Variants in FGD4 observed in about 807,000 individuals in gnomAD.
The protein encoded by FGD4 is FYVE, RhoGEF and PH domain containing 4.
A neutral mutation model predicts 102.0 loss-of-function variants in FGD4; 42 were observed. The ratio of observed to expected loss-of-function variants is 0.41; its 90% CI spans 0.32 to 0.53. FGD4 has a LOEUF of 0.53. Among genes scored for constraint, FGD4 ranks in the 20% least tolerant of loss-of-function variants. The pLI is 0.21. For missense variants in FGD4, 902 were observed against 1,078.2 expected (o/e 0.84, Z 2.29); for synonymous variants, 380 against 375.7 (o/e 1.01, Z -0.13).
intron 1 of FGD4, among the ~76,000 whole-genome samples, chr12:32,450,342 G>C (rs139905791): frequency 6.6e-6 from 1 of 152,132 alleles, no homozygotes; most frequent in African/African-American, 2.4e-5. Context: ...AAAGTGCTGG[G>C]ATTACAGGTA....
At chr12:32,520,435 T>TTTTG (rs1940398762) in intron 1 of FGD4, among the ~76,000 whole-genome samples, 1 of 140,666 alleles carries the variant, frequency 7.1e-6, no homozygotes, top group Non-Finnish European at 1.6e-5. Context: ...GTTTTTTTGT[T>TTTTG]TTTTGTTTTT....
rs1023207495 is a variant in FGD4 at position 32,619,790 on chromosome 12, A to G, written c.1842A>G (p.Lys614=). The G allele has an allele frequency of 7.4e-6, 12 of 1,614,078 alleles. No homozygotes were observed. Among genetic ancestry groups the G allele is most frequent in the African/African-American group, 1.3e-5 (1 of 74,934 alleles). The change falls in exon 11 of 17, where the codon AAA becomes AAG. Residue 614 remains lysine, a synonymous_variant. Transcript: ENST00000534526. The part of the protein sequence containing the change: ...VRTRVGIDGM[K]IVETQNEEYP... ...CCAGGGTTGGCATTGATGGAATGAA[A>G]ATTGTAGAGACTCAAAATGAAGAAT...
At chr12:32,437,431 CG>C (rs1565739814) in intron 1 of FGD4, among the ~76,000 whole-genome samples, 3 of 152,186 alleles carry the variant, frequency 2.0e-5, no homozygotes, top group Non-Finnish European at 2.9e-5. Context: ...GCTCCCTATA[CG>C]ATGAGCGAGG....
intron 13 of FGD4, 80 bp from the exon 14 acceptor site, chr12:32,625,570 GTAGT>G: frequency 1.3e-6 from 2 of 1,486,114 alleles, no homozygotes; most frequent in Non-Finnish European, 1.8e-6. Context: ...TTTGAGCAAT[GTAGT>G]TAAAGTTCTT....
At position 32,500,954 on chromosome 12, in the gene FGD4, G is replaced by A. The variant is rs185835639; in HGVS notation, c.167-63183G>A. 1.4e-3 allele frequency among the ~76,000 whole-genome samples: 207 copies of A among 152,342 alleles called. 1 individual carries two copies. The Middle Eastern group carries it at 0.017, about 13-fold the overall frequency. On this transcript the variant is annotated intron_variant, in intron 1 of 16. Coordinates refer to ENST00000534526, the MANE Select transcript of FGD4 (RefSeq NM_001370298.3). The stretch of plus-strand genomic sequence containing the variant: ...ACAGTGGCACTGTCCCTGGTCTTGA[G>A]GTGCTCACAGTCTGAAGGAGAGATG...
intron 1 of FGD4, among the ~76,000 whole-genome samples, chr12:32,489,346 AT>A (rs1158089603): frequency 1.3e-5 from 2 of 152,224 alleles, no homozygotes; most frequent in Non-Finnish European, 2.9e-5. Context: ...TATGGAGTTC[AT>A]AAAGTAGCTG....
chr12:32,476,221 G>A (rs181791880), intron 1 of FGD4, among the ~76,000 whole-genome samples: 1 of 152,144 alleles, frequency 6.6e-6, no homozygotes, highest in African/African-American at 2.4e-5. Flanking sequence ...GACCCAAACC[G>A]TACATATTTT....
chr12:32,435,517 G>GTGTGTGTGTGTGTGTGTGT (rs71445900), intron 1 of FGD4, among the ~76,000 whole-genome samples: 1 of 151,936 alleles, frequency 6.6e-6, no homozygotes, highest in African/African-American at 2.4e-5. Flanking sequence ...GTGTGTGTGT[G>GTGTGTGTGTGTGTGTGTGT]TTTTAAATGA....
chr12:32,613,030 CAAAG>C (rs1276509188), intron 10 of FGD4, among the ~76,000 whole-genome samples: 1 of 152,070 alleles, frequency 6.6e-6, no homozygotes. Context: ...TATGCATTGA[CAAAG>C]AATAAGCTAA....
intron 1 of FGD4, among the ~76,000 whole-genome samples, chr12:32,513,291 T>A (rs1939572185): frequency 6.6e-6 from 1 of 152,212 alleles, no homozygotes. Context: ...TAATCATAGT[T>A]GTTTAGAATA....
intron 1 of FGD4, among the ~76,000 whole-genome samples, chr12:32,476,103 C>T (rs1483006973): frequency 3.9e-5 from 6 of 152,056 alleles, no homozygotes; most frequent in Admixed American, 6.6e-5. Flanking sequence ...CTGTATGAAA[C>T]GGGTCTGCTG....
At chr12:32,542,421 A>T (rs2136138204) in intron 1 of FGD4, among the ~76,000 whole-genome samples, 1 of 152,306 alleles carries the variant, frequency 6.6e-6, no homozygotes, top group African/African-American at 2.4e-5. Context: ...ACATTTGTTC[A>T]CCCTTGGTTA....
chr12:32,624,986 A>G lies in FGD4; in HGVS notation c.1964A>G (p.Glu655Gly). ...TTACTTATACTTTAGGCCCTTCAAG[A>G]AACCATCGATGCTTTTCATCAAAGG... ...DKEEWIKALQETIDAFHQRHE... is the reference protein window; with the variant it reads ...DKEEWIKALQGTIDAFHQRHE... The change falls in exon 13 of 17, where the codon GAA (glutamate) becomes GGA (glycine). Residue 655 changes from glutamate (E) to glycine (G), a missense_variant. Physicochemically the swap from Glu to Gly is moderately conservative, Grantham distance 98. Transcript: ENST00000534526. The G allele has an allele frequency of 6.2e-7, 1 of 1,613,356 alleles. No homozygotes were observed.
Position 32,606,859 on chromosome 12 carries a change from C to T in FGD4, c.1405-1098C>T, listed in dbSNP as rs536431159. Among the ~76,000 whole-genome samples, 7 of 152,228 alleles carry T rather than the reference C, an allele frequency of 4.6e-5. No individual in the cohort carries two copies. The South Asian group carries it at 1.5e-3, about 32-fold the overall frequency. On this transcript the variant is annotated intron_variant, in intron 7 of 16. Transcript: ENST00000534526. Reference sequence around the variant, plus strand: ...TAATTTTGCCCTAAGAAATGGAGCTCTATTTACAGAATTTGGTTTCTAATG... The same window carrying T: ...TAATTTTGCCCTAAGAAATGGAGCTTTATTTACAGAATTTGGTTTCTAATG...
intron 1 of FGD4, among the ~76,000 whole-genome samples, chr12:32,490,854 C>T (rs1185956096): frequency 6.6e-6 from 1 of 152,118 alleles, no homozygotes; most frequent in Non-Finnish European, 1.5e-5. Flanking sequence ...TTTCTTTCTA[C>T]TAAAAATCAT....
Position 32,624,472 on chromosome 12 carries a change from C to A in FGD4, c.1953+20C>A. 1 of 1,578,430 alleles carries A rather than the reference C, an allele frequency of 6.3e-7. No homozygotes were observed. The highest frequency in any genetic ancestry group is 8.6e-7 in the Non-Finnish European group (1 of 1,162,116). The stretch of plus-strand genomic sequence containing the variant: ...ATCAAGGTAAGCCTCATTTCTGTTT[C>A]CTTTTCTTTCTTTTTTTTTTTGAGG... On this transcript the variant is annotated intron_variant, in intron 12 of 16. Coordinates refer to ENST00000534526, the MANE Select transcript of FGD4 (RefSeq NM_001370298.3).
chr12:32,463,465 T>G (rs990870669), intron 1 of FGD4, among the ~76,000 whole-genome samples: 1 of 152,242 alleles, frequency 6.6e-6, no homozygotes, highest in African/African-American at 2.4e-5. Context: ...TCAGTTTTCA[T>G]TGTTTAAAGG....
At chr12:32,596,943 A>C (rs1592346295) in intron 4 of FGD4, among the ~76,000 whole-genome samples, 3 of 152,098 alleles carry the variant, frequency 2.0e-5, no homozygotes, top group Non-Finnish European at 2.9e-5. Flanking sequence ...CTTAAAAAAA[A>C]AAAAAACAAA....
Position 32,564,159 on chromosome 12 carries a change from C to G in FGD4, c.189C>G (p.Ile63Met), listed in dbSNP as rs1360076799. The change falls in exon 2 of 17, where the codon ATC (isoleucine) becomes ATG (methionine). Residue 63 changes from isoleucine (I) to methionine (M), a missense_variant. Physicochemically the swap from Ile to Met is conservative, Grantham distance 10. Around this residue, in one of 2 missense-constraint regions of FGD4, gnomAD observed 443 missense variants for 459.2 expected, o/e 0.96. Transcript: ENST00000534526. ...CAGGCAGCAGTACCTGTCCAAAGAT[C>G]GCTTTAGTTCCACCTTGCTCCACAA... ...GATGSSTCPK[I>M]ALVPPCSTSS... is the part of the protein sequence containing the mutation. 1.3e-6 allele frequency: 2 copies of G among 1,535,946 alleles called. No homozygotes were observed. The highest frequency in any genetic ancestry group is 1.2e-5 in the South Asian group (1 of 84,028).
Sources: gnomAD v4.1 joint callset for allele counts (sites outside exome capture counted in the v4.1 genomes callset) on GRCh38, gnomAD v4.1.1 for gene constraint, gnomAD v4.1.1 regional missense constraint, MANE v1.5 for transcripts, NCBI Gene and HGNC (gene_info 2026-07-23, HGNC 2026-07-21) for gene names.